Variants in DIP2C observed in about 807,000 individuals in gnomAD.
The protein encoded by DIP2C is disco-interacting protein 2 homolog C.
Under a neutral mutation model 192.4 loss-of-function variants are expected in DIP2C, and 33 were observed. The observed-to-expected ratio is 0.17, with a 90% CI of 0.13 to 0.23. DIP2C has a LOEUF of 0.23. DIP2C is among the 10% of genes least tolerant of loss of function. The probability of loss-of-function intolerance (pLI) is 1.00; values close to 1 mark genes in which losing one functional copy is unlikely to be tolerated. For synonymous variants in DIP2C, 979 were observed against 864.1 expected, an observed-to-expected ratio of 1.13 and a Z score of -2.33; for missense variants, 1,537 against 2,110.1, an observed-to-expected ratio of 0.73 and a Z score of 5.32.
intron 1 of DIP2C, chr10:650,392 C>T (rs1360632013): frequency 1.5e-5 from 11 of 716,260 alleles, no homozygotes; most frequent in Admixed American, 6.0e-5. Context: ...GGCAGCCACA[C>T]GCCCCAGACC....
rs1959117879 is a variant in DIP2C at position 357,096 on chromosome 10, GGTTTCATCC to G, written c.2905-599_2905-591del. 8.5e-5 allele frequency among the ~76,000 whole-genome samples: 13 copies of G among 152,292 alleles called. No individual in the cohort carries two copies. The South Asian group carries it at 2.7e-3, about 32-fold the overall frequency. The stretch of plus-strand genomic sequence containing the variant: ...AGGGTACAGAAAAACCCACAGATAA[GGTTTCATCC>G]GTTTCATCAACATTTCACGGTGCTG... On this transcript the variant is annotated intron_variant, in intron 23 of 36. Coordinates refer to ENST00000280886, the MANE Select transcript of DIP2C (RefSeq NM_014974.3).
intron 36 of DIP2C, among the ~76,000 whole-genome samples, 191 bp from the exon 37 acceptor site, chr10:277,768 G>T (rs187284261): frequency 2.0e-5 from 3 of 151,982 alleles, no homozygotes; most frequent in South Asian, 2.1e-4. Flanking sequence ...GACAGCACCT[G>T]TCGGTGTTTC....
Position 354,872 on chromosome 10 carries a change from A to G in DIP2C, c.2985+1554T>C, listed in dbSNP as rs572626396. Among the ~76,000 whole-genome samples the G allele has an allele frequency of 2.6e-5, 4 of 152,018 alleles. No homozygotes were observed. The South Asian group carries it at 6.2e-4, about 24-fold the overall frequency. On this transcript the variant is annotated intron_variant, in intron 24 of 36. Coordinates refer to ENST00000280886, the MANE Select transcript of DIP2C (RefSeq NM_014974.3). The stretch of plus-strand genomic sequence containing the variant: ...CAGGGAAAGAGGAACGAGAAGTCAC[A>G]GGCAGTTTACAGGAGAAACACTACT...
intron 25 of DIP2C, 71 bp downstream of exon 25, chr10:349,260 G>T: frequency 6.4e-7 from 1 of 1,559,194 alleles, no homozygotes; most frequent in South Asian, 1.2e-5. Flanking sequence ...ACCAGCGGGT[G>T]TAAGGGACCT....
intron 1 of DIP2C, among the ~76,000 whole-genome samples, chr10:571,625 C>T (rs762370519): frequency 6.6e-6 from 1 of 152,200 alleles, no homozygotes; most frequent in Non-Finnish European, 1.5e-5. Context: ...GGTTTTCTTT[C>T]ACTCTGTTTT....
rs763846085 is a variant in DIP2C at position 348,794 on chromosome 10, C to G, written c.3110-32G>C. The G allele has an allele frequency of 6.0e-5, 97 of 1,611,080 alleles. No homozygotes were observed. In the East Asian group the frequency reaches 6.9e-4, roughly 12 times the overall value. The stretch of plus-strand genomic sequence containing the variant: ...AAGGAGAGAAACATCATCATTGAAG[C>G]AGACCACGCTGCTGAGTGCACACTC... On this transcript the variant is annotated intron_variant, in intron 25 of 36. Transcript: ENST00000280886.
At chr10:289,203 C>CTGGGGACAGGG (rs1240728714) in intron 32 of DIP2C, among the ~76,000 whole-genome samples, 1 of 151,758 alleles carries the variant, frequency 6.6e-6, no homozygotes, top group African/African-American at 2.4e-5. Context: ...TGCCTCCCAC[C>CTGGGGACAGGG]TGGGGACAGG....
chr10:579,183 T>C (rs1432302064), intron 1 of DIP2C, among the ~76,000 whole-genome samples: 1 of 151,772 alleles, frequency 6.6e-6, no homozygotes, highest in Admixed American at 6.6e-5. Flanking sequence ...CTAAGTGCAC[T>C]ATAACATGTA....
At chr10:386,647 T>C (rs894313016) in intron 14 of DIP2C, among the ~76,000 whole-genome samples, 3 of 152,106 alleles carry the variant, frequency 2.0e-5, no homozygotes, top group Non-Finnish European at 4.4e-5. Flanking sequence ...CCACAGATAT[T>C]TGGTCTAGGA....
intron 2 of DIP2C, among the ~76,000 whole-genome samples, 155 bp downstream of exon 2, chr10:486,304 T>C (rs1208678406): frequency 3.9e-5 from 6 of 152,232 alleles, no homozygotes; most frequent in Non-Finnish European, 7.3e-5. Context: ...ACAGCACGTG[T>C]GATCACTCAA....
chr10:462,403 C>G (rs1019568600), intron 3 of DIP2C, among the ~76,000 whole-genome samples: 1 of 152,176 alleles, frequency 6.6e-6, no homozygotes, highest in African/African-American at 2.4e-5. Flanking sequence ...CATCTCTATG[C>G]AAATAAACTA....
rs1251667398 is a variant in DIP2C at position 486,447 on chromosome 10, G to A, written c.157+12C>T. 2 of 1,594,076 alleles carry A rather than the reference G, an allele frequency of 1.3e-6. No individual in the cohort carries two copies. Among genetic ancestry groups the A allele is most frequent in the African/African-American group, 2.7e-5 (2 of 73,974 alleles). On this transcript the variant is annotated intron_variant, in intron 2 of 36. Coordinates refer to ENST00000280886, the MANE Select transcript of DIP2C (RefSeq NM_014974.3). ...AATGAGAGGACTCATGCTACTCATG[G>A]GGGTTACCTACTCGGAGGCTGCGGA... is the stretch of plus-strand genomic sequence containing the variant.
At chr10:603,303 A>AAAAAAG in intron 1 of DIP2C, among the ~76,000 whole-genome samples, 1 of 47,522 alleles carries the variant, frequency 2.1e-5, no homozygotes, top group African/African-American at 5.2e-5. Flanking sequence ...CATCTCAAAA[A>AAAAAAG]AAAAAAAAAA....
At chr10:433,289 G>A (rs929254851) in intron 4 of DIP2C, among the ~76,000 whole-genome samples, 2 of 152,172 alleles carry the variant, frequency 1.3e-5, no homozygotes, top group Non-Finnish European at 2.9e-5. Context: ...TACATTTAAG[G>A]ATTGTTTTAT....
intron 29 of DIP2C, among the ~76,000 whole-genome samples, chr10:333,718 T>G (rs528630798): frequency 1.3e-5 from 2 of 152,256 alleles, no homozygotes; most frequent in African/African-American, 4.8e-5. Flanking sequence ...CATTTTACAT[T>G]CCCACTATCA....
At chr10:588,573 T>C (rs1280634895) in intron 1 of DIP2C, among the ~76,000 whole-genome samples, 1 of 152,192 alleles carries the variant, frequency 6.6e-6, no homozygotes, top group Non-Finnish European at 1.5e-5. Context: ...ATCAGGACAG[T>C]AACAGAGGTC....
At chr10:439,016 T>C (rs372807698) in intron 4 of DIP2C, among the ~76,000 whole-genome samples, 1 of 152,136 alleles carries the variant, frequency 6.6e-6, no homozygotes, top group Admixed American at 6.5e-5. Context: ...GGAGACAAAA[T>C]GTACAAAAGG....
At chr10:454,490 A>G (rs1360068502) in intron 3 of DIP2C, among the ~76,000 whole-genome samples, 3 of 151,616 alleles carry the variant, frequency 2.0e-5, no homozygotes, top group African/African-American at 7.3e-5. Flanking sequence ...TCATTATTGC[A>G]ATGAGATATT....
chr10:625,013 G>A (rs1271710163), intron 1 of DIP2C, among the ~76,000 whole-genome samples: 2 of 152,222 alleles, frequency 1.3e-5, no homozygotes, highest in Non-Finnish European at 2.9e-5. Flanking sequence ...GGGCCCAGGA[G>A]CATGTGTGTT....
Sources: allele counts gnomAD v4.1 joint callset (sites outside exome capture counted in the v4.1 genomes callset), GRCh38; gene constraint gnomAD v4.1.1; transcripts MANE v1.5; gene names NCBI Gene and HGNC (gene_info 2026-07-23, HGNC 2026-07-21).